ZRANB1: variants seen among roughly 807,000 people sequenced by gnomAD.
The protein encoded by ZRANB1 is zinc finger RANBP2-type containing 1, also known as ubiquitin thioesterase ZRANB1.
Under a neutral mutation model 80.5 loss-of-function variants are expected in ZRANB1, and 16 were observed. That is an observed-to-expected ratio of 0.20 (90% CI 0.13 to 0.30). The LOEUF is 0.30. Ranked by LOEUF, ZRANB1 falls within the 10% of genes least tolerant of loss-of-function variation. ZRANB1 has a pLI of 1.00. For synonymous variants in ZRANB1, 291 were observed against 293.1 expected, an observed-to-expected ratio of 0.99 and a Z score of 0.07; for missense variants, 576 against 862.6, an observed-to-expected ratio of 0.67 and a Z score of 4.16.
In ZRANB1 at chr10:124,963,550, GTTTGTTTTTTTTTTTT is replaced by G. The variant is rs1275343898; in HGVS notation, c.815-3040_815-3025del. ...AGATATTGTAAGGTTTTTTTTTTTT[GTTTGTTTTTTTTTTTT>G]TTTTTTTTTTTGGGCATGTATTATG... On this transcript the variant is annotated intron_variant, in intron 1 of 8. Transcript: ENST00000359653. Among the ~76,000 whole-genome samples the G allele has an allele frequency of 9.3e-4, 70 of 75,168 alleles. 1 individual carries two copies. Among genetic ancestry groups the G allele is most frequent in the South Asian group, 6.1e-3 (13 of 2,126 alleles). The allele number at this position is 75,168 out of a possible 152,430, so 49.3% of individuals were successfully genotyped here.
At chr10:124,918,845 T>C in the ZRANB1 span, among the ~76,000 whole-genome samples, 2 of 152,238 alleles carry the variant, frequency 1.3e-5, no homozygotes, top group African/African-American at 4.8e-5. Context: ...AACATTGTTT[T>C]TATTGGGCTG....
At chr10:124,934,702 G>A in the ZRANB1 span, among the ~76,000 whole-genome samples, 3 of 152,208 alleles carry the variant, frequency 2.0e-5, no homozygotes, top group Admixed American at 6.5e-5. Context: ...GAGATGTCAG[G>A]TGGGCAACTG....
chr10:124,950,014 T>C (rs1206989430), intron 1 of ZRANB1, among the ~76,000 whole-genome samples: 2 of 152,192 alleles, frequency 1.3e-5, no homozygotes, highest in Non-Finnish European at 2.9e-5. Flanking sequence ...AGTGGCATCA[T>C]GAGGATTATA....
Position 124,981,692 on chromosome 10 carries a change from C to A in ZRANB1, c.1428-17C>A. On this transcript the variant is annotated splice_polypyrimidine_tract_variant and intron_variant, in intron 5 of 8. Transcript: ENST00000359653. ...AGAAGACTATTTATTTATTTTTTTA[C>A]TATCCTGCTTTTTTAGGTTTTACAC... 1 of 1,581,994 alleles carries A rather than the reference C, an allele frequency of 6.3e-7. No individual in the cohort carries two copies.
At chr10:124,937,387 T>C (rs377016477), upstream of ZRANB1, among the ~76,000 whole-genome samples, 28 of 152,084 alleles carry the variant, frequency 1.8e-4, no homozygotes, top group East Asian at 5.4e-3. Flanking sequence ...GGTTTCGCCA[T>C]GTTGACCAGG....
chr10:124,936,470 CAAGAT>C, the ZRANB1 span, among the ~76,000 whole-genome samples: 1 of 152,060 alleles, frequency 6.6e-6, no homozygotes, highest in Non-Finnish European at 1.5e-5. Flanking sequence ...CTGGAGAAGT[CAAGAT>C]AGGAGTTTGT....
chr10:124,942,077 C>G, upstream of ZRANB1: 1 of 924,658 alleles, frequency 1.1e-6, no homozygotes, highest in Non-Finnish European at 1.3e-6. Context: ...GTGTTGTTTC[C>G]TCTACCTTTG....
chr10:124,985,125 C>A lies in ZRANB1; in HGVS notation c.*133C>A. 1.5e-6 allele frequency: 1 copy of A among 671,516 alleles called. No homozygotes were observed. 41.6% of individuals were successfully genotyped at this position (671,516 alleles called of 1,614,324 possible). A position where few individuals can be genotyped will look rare whatever the true frequency, so the allele number is the denominator to read the frequency against. On this transcript the variant is annotated 3_prime_UTR_variant, in exon 9 of 9. Coordinates refer to ENST00000359653, the MANE Select transcript of ZRANB1 (RefSeq NM_017580.3). ...AGGATCTGCTCGGGGAAGTGTTTTCCTGGACCACACACACCTTATGGAGAT... is the reference window on the plus strand; with the variant it reads ...AGGATCTGCTCGGGGAAGTGTTTTCATGGACCACACACACCTTATGGAGAT...
chr10:124,944,929 G>C (rs1951567199), intron 1 of ZRANB1, among the ~76,000 whole-genome samples: 1 of 151,994 alleles, frequency 6.6e-6, no homozygotes. Context: ...AGGATGAGGG[G>C]ATGAAAACAT....
In ZRANB1 at chr10:124,942,370, T is replaced by C. The variant is rs1951543560; in HGVS notation, c.-124T>C. 1.4e-6 allele frequency: 2 copies of C among 1,467,328 alleles called. No individual in the cohort carries two copies. Among genetic ancestry groups the C allele is most frequent in the South Asian group, 1.5e-5 (1 of 68,964 alleles). 90.9% of individuals were successfully genotyped at this position (1,467,328 alleles called of 1,614,324 possible). Reference sequence around the variant, plus strand: ...TGCATCTTTTGAGAAATTTATATTTTGTAGGTTGAAGGACTTGCTTTTTGG... The same window carrying C: ...TGCATCTTTTGAGAAATTTATATTTCGTAGGTTGAAGGACTTGCTTTTTGG... On this transcript the variant is annotated 5_prime_UTR_variant, in exon 1 of 9. Transcript: ENST00000359653.
chr10:124,952,495 C>G (rs1951648225), intron 1 of ZRANB1, among the ~76,000 whole-genome samples: 1 of 152,230 alleles, frequency 6.6e-6, no homozygotes, highest in Non-Finnish European at 1.5e-5. Flanking sequence ...TGCTGAACTT[C>G]TGACCTCCTG....
intron 1 of ZRANB1, among the ~76,000 whole-genome samples, chr10:124,956,636 C>A (rs1379916482): frequency 1.3e-5 from 2 of 151,978 alleles, no homozygotes; most frequent in African/African-American, 4.8e-5. Flanking sequence ...ACGCCCAGCT[C>A]ATATTTGTGT....
chr10:124,953,714 C>G (rs950603226), intron 1 of ZRANB1, among the ~76,000 whole-genome samples: 13 of 152,126 alleles, frequency 8.5e-5, no homozygotes, highest in Non-Finnish European at 1.6e-4. Flanking sequence ...TAGAACTTTT[C>G]CTGTTCTGTG....
chr10:124,922,428 C>G, the ZRANB1 span, among the ~76,000 whole-genome samples: 1 of 150,022 alleles, frequency 6.7e-6, no homozygotes, highest in East Asian at 1.9e-4. Context: ...CAGGCTCAAG[C>G]TATCCTCTCA....
the ZRANB1 span, among the ~76,000 whole-genome samples, chr10:124,926,745 G>A: frequency 6.6e-6 from 1 of 152,086 alleles, no homozygotes; most frequent in Non-Finnish European, 1.5e-5. Context: ...AATTTTACAT[G>A]CTACACATAG....
upstream of ZRANB1, among the ~76,000 whole-genome samples, chr10:124,941,194 C>G (rs926282141): frequency 1.8e-4 from 6 of 33,062 alleles, no homozygotes; most frequent in African/African-American, 2.9e-4. Flanking sequence ...TAAATTCAAG[C>G]CATTAAAAAA....
intron 1 of ZRANB1, among the ~76,000 whole-genome samples, chr10:124,948,451 T>C (rs1589841402): frequency 6.6e-6 from 1 of 152,208 alleles, no homozygotes; most frequent in East Asian, 1.9e-4. Flanking sequence ...GGGCCAAATA[T>C]AGTTTATCTC....
At chr10:124,951,443 A>G (rs558309459) in intron 1 of ZRANB1, among the ~76,000 whole-genome samples, 2 of 152,240 alleles carry the variant, frequency 1.3e-5, no homozygotes, top group Non-Finnish European at 2.9e-5. Flanking sequence ...GGAAAAGGAA[A>G]TCCTTGCATT....
Position 124,943,325 on chromosome 10 carries a change from G to A in ZRANB1, c.814+18G>A, listed in dbSNP as rs746213739. On this transcript the variant is annotated intron_variant, in intron 1 of 8. Coordinates refer to ENST00000359653, the MANE Select transcript of ZRANB1 (RefSeq NM_017580.3). ...TTGTGTGGGTAAGTTTCTGTATTCT[G>A]CATTTTTTGCGTGGGATGGGAAAAG... is the stretch of plus-strand genomic sequence containing the variant. 1.4e-5 allele frequency: 22 copies of A among 1,590,784 alleles called. No homozygotes were observed. Among genetic ancestry groups the A allele is most frequent in the Admixed American group, 1.8e-5 (1 of 56,422 alleles).
Sources: gnomAD v4.1 joint callset for allele counts (sites outside exome capture counted in the v4.1 genomes callset) on GRCh38, gnomAD v4.1.1 for gene constraint, MANE v1.5 for transcripts, NCBI Gene and HGNC (gene_info 2026-07-23, HGNC 2026-07-21) for gene names.